Variants in NELL1 observed in about 807,000 individuals in gnomAD.
NELL1 encodes the protein neural EGFL like 1, also known as protein kinase C-binding protein NELL1.
In NELL1, 76 loss-of-function variants were observed where a neutral mutation model predicts 107.4. The ratio of observed to expected loss-of-function variants is 0.71; its 90% CI spans 0.59 to 0.86. The LOEUF is 0.86. Ranked by LOEUF, NELL1 falls within the 40% of genes least tolerant of loss-of-function variation. The pLI is 0.00. For missense variants in NELL1, 1,024 were observed against 1,005.5 expected (o/e 1.02, Z -0.25); for synonymous variants, 353 against 341.2 (o/e 1.03, Z -0.38).
chr11:20,760,199 A>C (rs996656767), intron 2 of NELL1, among the ~76,000 whole-genome samples: 2 of 152,204 alleles, frequency 1.3e-5, no homozygotes, highest in Non-Finnish European at 1.5e-5. Flanking sequence ...CTCTTAGGCA[A>C]ATGAAAAGAG....
intron 4 of NELL1, among the ~76,000 whole-genome samples, chr11:20,862,555 T>C (rs1848996892): frequency 6.6e-6 from 1 of 151,122 alleles, no homozygotes. Context: ...TACAGCATCA[T>C]AGTAACGTAC....
At chr11:21,402,325 TATC>T (rs1170654513) in intron 15 of NELL1, among the ~76,000 whole-genome samples, 1 of 151,788 alleles carries the variant, frequency 6.6e-6, no homozygotes, top group Admixed American at 6.6e-5. Flanking sequence ...AACCTGAAAT[TATC>T]ATCTGTAGGA....
chr11:20,705,284 C>A (rs937853073), intron 2 of NELL1, among the ~76,000 whole-genome samples: 6 of 152,124 alleles, frequency 3.9e-5, no homozygotes, highest in African/African-American at 1.2e-4. Context: ...GCTACAGTAA[C>A]CAAAACAGCA....
At position 20,674,737 on chromosome 11, in the gene NELL1, C is replaced by T. The variant is rs75030180; in HGVS notation, c.56-3195C>T. Among the ~76,000 whole-genome samples the T allele has an allele frequency of 3.8e-3, 573 of 152,202 alleles. 6 individuals are homozygous for T. Among genetic ancestry groups the T allele is most frequent in the African/African-American group, 0.013 (542 of 41,508 alleles). ...TTCTGGATTGAGGGCACTGTGTTCT[C>T]ATTTGGGGGTGGGGATTCAAGGATA... On this transcript the variant is annotated intron_variant, in intron 1 of 19. Coordinates refer to ENST00000357134, the MANE Select transcript of NELL1 (RefSeq NM_006157.5).
intron 2 of NELL1, among the ~76,000 whole-genome samples, chr11:20,701,883 C>T (rs1017043202): frequency 6.6e-6 from 1 of 152,110 alleles, no homozygotes; most frequent in Non-Finnish European, 1.5e-5. Context: ...TGTTTTGGTA[C>T]CAGTACCATG....
At chr11:21,556,312 G>A (rs1041319983) in intron 16 of NELL1, among the ~76,000 whole-genome samples, 3 of 151,872 alleles carry the variant, frequency 2.0e-5, no homozygotes, top group Non-Finnish European at 4.4e-5. Context: ...GACTAGATGT[G>A]CTGTCAAAGT....
intron 13 of NELL1, among the ~76,000 whole-genome samples, chr11:21,147,836 C>CAAAAA (rs35688285): frequency 0.038 from 1,068 of 28,332 alleles, 1 homozygote; most frequent in East Asian, 0.054. Flanking sequence ...AACTCCGTCT[C>CAAAAA]AAAAAAAAAA....
chr11:20,942,194 C>G (rs1253080917), intron 10 of NELL1, among the ~76,000 whole-genome samples: 1 of 152,206 alleles, frequency 6.6e-6, no homozygotes, highest in Non-Finnish European at 1.5e-5. Flanking sequence ...GAAAGACATT[C>G]CCTATATTCT....
Position 21,457,624 on chromosome 11 carries a change from A to G in NELL1, c.1646-76750A>G, listed in dbSNP as rs185306281. ...AGGCCTTTAATTCCTGAGAATATCCACTTAGAGAAATCCAGTGGACATTTT... is the reference window on the plus strand; with the variant it reads ...AGGCCTTTAATTCCTGAGAATATCCGCTTAGAGAAATCCAGTGGACATTTT... On this transcript the variant is annotated intron_variant, in intron 15 of 19. Transcript: ENST00000357134. 5.8e-4 allele frequency among the ~76,000 whole-genome samples: 88 copies of G among 152,256 alleles called. No homozygotes were observed. In the East Asian group the frequency reaches 0.014, roughly 25 times the overall value.
intron 16 of NELL1, among the ~76,000 whole-genome samples, chr11:21,552,243 T>A (rs1591029761): frequency 6.6e-6 from 1 of 151,576 alleles, no homozygotes; most frequent in Non-Finnish European, 1.5e-5. Flanking sequence ...CATATGTAAC[T>A]AACCTGCACA....
intron 16 of NELL1, among the ~76,000 whole-genome samples, chr11:21,545,789 C>A (rs1856427967): frequency 6.6e-6 from 1 of 151,962 alleles, no homozygotes; most frequent in African/African-American, 2.4e-5. Flanking sequence ...CCCCTTGTAG[C>A]TTCAGGCAGT....
intron 15 of NELL1, among the ~76,000 whole-genome samples, chr11:21,420,479 C>T (rs182475251): frequency 7.9e-5 from 12 of 152,052 alleles, no homozygotes; most frequent in Non-Finnish European, 1.8e-4. Flanking sequence ...TGGAAACTGA[C>T]AGTAGATTAG....
At chr11:20,676,931 GC>G (rs1314036988) in intron 1 of NELL1, among the ~76,000 whole-genome samples, 6 of 152,180 alleles carry the variant, frequency 3.9e-5, no homozygotes, top group African/African-American at 1.2e-4. Context: ...CTTAAACATA[GC>G]CCCTTAGAGT....
At position 21,575,566 on chromosome 11, in the gene NELL1, C is replaced by T. The variant is rs373492833; in HGVS notation, c.*544C>T. The T allele has an allele frequency of 7.9e-5, 12 of 151,940 alleles. No homozygotes were observed. Among genetic ancestry groups the T allele is most frequent in the African/African-American group, 2.7e-4 (11 of 41,472 alleles). The allele number at this position is 151,940 out of a possible 1,614,324, so 9.4% of individuals were successfully genotyped here. ...ATACATACATTTCATAGTGCTGAAC[C>T]TTCTTAAATGCCTACTCATTCAGCT... On this transcript the variant is annotated 3_prime_UTR_variant, in exon 20 of 20. Transcript: ENST00000357134.
chr11:20,709,676 G>A (rs1855063059), intron 2 of NELL1, among the ~76,000 whole-genome samples: 1 of 152,030 alleles, frequency 6.6e-6, no homozygotes, highest in Admixed American at 6.5e-5. Context: ...CCGTAAGTGT[G>A]GGATGTATTT....
intron 2 of NELL1, among the ~76,000 whole-genome samples, chr11:20,695,907 CT>C (rs59970595): frequency 6.6e-6 from 1 of 150,504 alleles, no homozygotes; most frequent in South Asian, 2.1e-4. Flanking sequence ...CTGGCCTGGG[CT>C]TTTTTTTTGG....
At chr11:21,166,520 A>C (rs1259079339) in intron 13 of NELL1, among the ~76,000 whole-genome samples, 1 of 151,860 alleles carries the variant, frequency 6.6e-6, no homozygotes, top group Non-Finnish European at 1.5e-5. Flanking sequence ...ATTTACCCTG[A>C]TGTGATTAGT....
At chr11:21,375,870 G>T (rs1851463816) in intron 15 of NELL1, among the ~76,000 whole-genome samples, 1 of 123,040 alleles carries the variant, frequency 8.1e-6, no homozygotes, top group Non-Finnish European at 1.8e-5. Flanking sequence ...AGAAGTGTTT[G>T]TTCATGTCTC....
rs139300757 is a variant in NELL1 at position 21,560,366 on chromosome 11, C to T, written c.1964C>T (p.Ser655Phe). ...QVWTLKEDRCSVCSCKDGKIF... is the reference protein window; with the variant it reads ...QVWTLKEDRCFVCSCKDGKIF... Reference sequence around the variant, plus strand: ...TGGACCTTGAAAGAAGACAGGTGTTCTGTCTGCTCCTGCAAGGTGAGGCTG... The same window carrying T: ...TGGACCTTGAAAGAAGACAGGTGTTTTGTCTGCTCCTGCAAGGTGAGGCTG... Residue 655 changes from serine to phenylalanine, a missense_variant, in exon 17 of 20, where the codon TCT becomes TTT. By Grantham distance (155) the Ser-to-Phe change is radical. Coordinates refer to ENST00000357134, the MANE Select transcript of NELL1 (RefSeq NM_006157.5). The T allele has an allele frequency of 2.4e-5, 38 of 1,584,686 alleles. No homozygotes were observed. The East Asian group carries it at 7.9e-4, about 33-fold the overall frequency.
Sources: gnomAD v4.1 joint callset for allele counts (sites outside exome capture counted in the v4.1 genomes callset) on GRCh38, gnomAD v4.1.1 for gene constraint, MANE v1.5 for transcripts, NCBI Gene and HGNC (gene_info 2026-07-23, HGNC 2026-07-21) for gene names.